IQGAP2: variants seen among roughly 807,000 people sequenced by gnomAD.
IQGAP2 encodes the protein ras GTPase-activating-like protein IQGAP2.
Under a neutral mutation model 201.3 loss-of-function variants are expected in IQGAP2, and 173 were observed. That is an observed-to-expected ratio of 0.86 (90% confidence interval 0.76 to 0.98). The LOEUF (loss-of-function observed/expected upper bound fraction) is 0.98. Ranked by LOEUF, IQGAP2 falls within the 50% of genes least tolerant of loss-of-function variation. IQGAP2 has a pLI of 0.00. For synonymous variants in IQGAP2, 675 were observed against 673.9 expected, an observed-to-expected ratio of 1.00 and a Z score of -0.03; for missense variants, 1,687 against 1,864.8, an observed-to-expected ratio of 0.90 and a Z score of 1.76.
intron 2 of IQGAP2, among the ~76,000 whole-genome samples, chr5:76,550,931 G>A (rs1314400248): frequency 5.4e-5 from 8 of 149,240 alleles, no homozygotes; most frequent in Non-Finnish European, 7.5e-5. Context: ...GGGGCGGCCA[G>A]GCAGAGGCGC....
rs530058379 is a variant in IQGAP2 at position 76,461,036 on chromosome 5, A to G, written c.47-534A>G. ...TGGGACTACAGGTGCCCCCCACCAC[A>G]CCTGGCTAATTTTTTGTATTTTTAG... On this transcript the variant is annotated intron_variant, in intron 1 of 35. Coordinates refer to ENST00000274364, the MANE Select transcript of IQGAP2 (RefSeq NM_006633.5). Among the ~76,000 whole-genome samples the G allele has an allele frequency of 4.0e-4, 60 of 151,388 alleles. 1 individual carries two copies. The highest frequency in any genetic ancestry group is 1.4e-3 in the African/African-American group (57 of 41,250).
intron 2 of IQGAP2, among the ~76,000 whole-genome samples, chr5:76,548,657 T>C (rs563764692): frequency 6.6e-6 from 1 of 152,306 alleles, no homozygotes; most frequent in Non-Finnish European, 1.5e-5. Context: ...CTTCCTTCTC[T>C]ATTAAAGGGG....
At chr5:76,467,324 G>T (rs565173058) in intron 2 of IQGAP2, among the ~76,000 whole-genome samples, 17 of 152,204 alleles carry the variant, frequency 1.1e-4, no homozygotes, top group Admixed American at 4.6e-4. Flanking sequence ...TTTTAAAATG[G>T]GCAAAAGTTC....
intron 1 of IQGAP2, among the ~76,000 whole-genome samples, chr5:76,436,764 G>T (rs548579511): frequency 6.6e-6 from 1 of 150,844 alleles, no homozygotes; most frequent in African/African-American, 2.4e-5. Context: ...TTTTGGCCTC[G>T]TGATCCACCT....
intron 2 of IQGAP2, among the ~76,000 whole-genome samples, chr5:76,507,649 A>G (rs1757682743): frequency 6.6e-6 from 1 of 152,238 alleles, no homozygotes; most frequent in Non-Finnish European, 1.5e-5. Flanking sequence ...TATATCTGAT[A>G]AAAGACTGTT....
chr5:76,644,984 T>G (rs1263336006), intron 17 of IQGAP2, among the ~76,000 whole-genome samples: 1 of 152,176 alleles, frequency 6.6e-6, no homozygotes, highest in Non-Finnish European at 1.5e-5. Context: ...TTTCTCCTAA[T>G]GCTATCCCTC....
intron 1 of IQGAP2, among the ~76,000 whole-genome samples, chr5:76,455,051 A>G (rs924656039): frequency 3.3e-5 from 5 of 152,170 alleles, no homozygotes; most frequent in Non-Finnish European, 5.9e-5. Flanking sequence ...TCTTATTCAG[A>G]TTTACACAGC....
chr5:76,630,256 C>G (rs1307455748), intron 14 of IQGAP2, among the ~76,000 whole-genome samples: 1 of 152,152 alleles, frequency 6.6e-6, no homozygotes, highest in Admixed American at 6.5e-5. Flanking sequence ...GTGCAGGAGC[C>G]AGTAAGCCCA....
At chr5:76,573,709 T>C (rs527557324) in intron 4 of IQGAP2, among the ~76,000 whole-genome samples, 120 of 150,504 alleles carry the variant, frequency 8.0e-4, no homozygotes, top group African/African-American at 3.0e-3. Flanking sequence ...CCTCCTGGGT[T>C]CAAGTGATTC....
At chr5:76,583,231 C>G (rs375194339) in intron 5 of IQGAP2, among the ~76,000 whole-genome samples, 98 of 152,146 alleles carry the variant, frequency 6.4e-4, no homozygotes, top group Middle Eastern at 3.4e-3. Context: ...TAATAAGCAG[C>G]CTCATTTGAA....
chr5:76,702,505 T>C lies in IQGAP2; in HGVS notation c.4529T>C (p.Ile1510Thr). ...AGGTTTAAGAATGTTACATTTGATA[T>C]CATAGCTACTGAAGATGTAGGCATT... ...TNQFKNVTFD[I>T]IATEDVGIFD... Residue 1510 changes from isoleucine to threonine, a missense_variant, in exon 35 of 36, where the codon ATC (isoleucine) becomes ACC (threonine). Ile to Thr is a moderately conservative substitution (Grantham distance 89, BLOSUM62 -1). Transcript: ENST00000274364. 6 of 1,565,008 alleles carry C rather than the reference T, an allele frequency of 3.8e-6. No homozygotes were observed. In the East Asian group the frequency reaches 1.3e-4, roughly 35 times the overall value.
intron 2 of IQGAP2, among the ~76,000 whole-genome samples, chr5:76,471,364 CAAAAA>C (rs59781605): frequency 1.1e-4 from 8 of 72,532 alleles, no homozygotes; most frequent in African/African-American, 1.6e-4. Context: ...ATAAACTAAG[CAAAAA>C]AAAAAAAAAA....
At chr5:76,466,523 T>C (rs969937291) in intron 2 of IQGAP2, among the ~76,000 whole-genome samples, 6 of 152,164 alleles carry the variant, frequency 3.9e-5, no homozygotes, top group South Asian at 2.1e-4. Flanking sequence ...TAGAGTAGAT[T>C]TGAGAGTCTA....
At chr5:76,703,165 G>T (rs867240594) in intron 35 of IQGAP2, among the ~76,000 whole-genome samples, 2 of 112,078 alleles carry the variant, frequency 1.8e-5, no homozygotes, top group African/African-American at 3.4e-5. Flanking sequence ...GGGGGTGGGG[G>T]GGGGCATTGA....
At chr5:76,454,298 A>G (rs1753940397) in intron 1 of IQGAP2, among the ~76,000 whole-genome samples, 1 of 151,720 alleles carries the variant, frequency 6.6e-6, no homozygotes. Context: ...ATATTTTTTA[A>G]TTATTATTAT....
chr5:76,651,839 T>C (rs1456156672), intron 17 of IQGAP2, among the ~76,000 whole-genome samples: 2 of 152,180 alleles, frequency 1.3e-5, no homozygotes, highest in African/African-American at 4.8e-5. Context: ...CTAAATTGTT[T>C]TGACTCATTA....
chr5:76,427,456 A>G (rs957510411), intron 1 of IQGAP2, among the ~76,000 whole-genome samples: 2 of 152,100 alleles, frequency 1.3e-5, no homozygotes, highest in African/African-American at 4.8e-5. Flanking sequence ...CTCCCCTTTC[A>G]AGAGTGCATG....
At chr5:76,528,899 A>G (rs1015362041) in intron 2 of IQGAP2, among the ~76,000 whole-genome samples, 7 of 152,198 alleles carry the variant, frequency 4.6e-5, no homozygotes, top group African/African-American at 1.7e-4. Flanking sequence ...CTGTTCAGAG[A>G]TGTTCTAAAC....
intron 13 of IQGAP2, among the ~76,000 whole-genome samples, chr5:76,613,147 C>G: frequency 6.6e-6 from 1 of 152,208 alleles, no homozygotes; most frequent in East Asian, 1.9e-4. Flanking sequence ...GCTGTCTCAT[C>G]TGATGTGAAC....
Sources: allele counts gnomAD v4.1 joint callset (sites outside exome capture counted in the v4.1 genomes callset), GRCh38; gene constraint gnomAD v4.1.1; transcripts MANE v1.5; gene names NCBI Gene and HGNC (gene_info 2026-07-23, HGNC 2026-07-21).